Variants in SAXO1 observed in about 807,000 individuals in gnomAD.
SAXO1 encodes the protein stabilizer of axonemal microtubules 1.
In SAXO1, 21 loss-of-function variants were observed where a neutral mutation model predicts 17.5. The observed-to-expected ratio is 1.20, with a 90% CI of 0.85 to 1.72. The LOEUF (loss-of-function observed/expected upper bound fraction) is 1.72, where lower values mean the gene tolerates loss of function less well. SAXO1 is among the 40% of genes most tolerant of loss of function. The pLI is 0.00. For synonymous variants in SAXO1, 274 were observed against 216.5 expected, an observed-to-expected ratio of 1.27 and a Z score of -2.33; for missense variants, 843 against 596.0, an observed-to-expected ratio of 1.41 and a Z score of -4.32.
chr9:18,949,768 C>T (rs796240001), intron 2 of SAXO1, among the ~76,000 whole-genome samples: 7 of 152,278 alleles, frequency 4.6e-5, no homozygotes, highest in African/African-American at 1.7e-4. Flanking sequence ...CATCTGGGAC[C>T]TTTACTAGCA....
chr9:19,007,354 A>T (rs528916478), intron 1 of SAXO1, among the ~76,000 whole-genome samples: 8 of 152,348 alleles, frequency 5.3e-5, no homozygotes, highest in African/African-American at 1.7e-4. Flanking sequence ...TCAAAAAAAA[A>T]TGAAAAAATA....
upstream of SAXO1, chr9:19,033,266 C>G (rs893996772): frequency 1.2e-5 from 3 of 252,980 alleles, no homozygotes; most frequent in Non-Finnish European, 2.3e-5. Flanking sequence ...GTCGCCAGGG[C>G]CAGGAGGGGC....
chr9:19,039,521 T>G (rs1166141253), intron 1 of SAXO1, among the ~76,000 whole-genome samples: 2 of 152,226 alleles, frequency 1.3e-5, no homozygotes, highest in Admixed American at 1.3e-4. Flanking sequence ...TTTCTCAGTG[T>G]TCAGGTTACC....
intron 1 of SAXO1, among the ~76,000 whole-genome samples, chr9:18,986,234 T>TA (rs35643015): frequency 0.027 from 4,084 of 152,306 alleles, 176 homozygotes; most frequent in African/African-American, 0.091. Flanking sequence ...ATTTAACAAA[T>TA]AATGGCATGG....
intron 1 of SAXO1, among the ~76,000 whole-genome samples, chr9:18,973,473 G>C (rs570568602): frequency 1.3e-5 from 2 of 152,342 alleles, no homozygotes; most frequent in East Asian, 3.9e-4. Context: ...GCGTTGCCTT[G>C]TATTATCTCT....
chr9:18,958,150 G>A (rs1396913333), intron 1 of SAXO1, among the ~76,000 whole-genome samples: 2 of 152,160 alleles, frequency 1.3e-5, no homozygotes, highest in East Asian at 1.9e-4. Flanking sequence ...CTAGCCAGGT[G>A]CGGTGGCTCA....
Position 19,000,718 on chromosome 9 carries a change from A to T in SAXO1, c.38+32153T>A, listed in dbSNP as rs1037562432. On this transcript the variant is annotated intron_variant, in intron 1 of 3. Coordinates refer to ENST00000380534, the MANE Select transcript of SAXO1 (RefSeq NM_153707.4). ...ACTTTTTAATTAAAAAAATAAAAATAAAAAAATTAAAGGAATGGAGGAAGA... is the reference window on the plus strand; with the variant it reads ...ACTTTTTAATTAAAAAAATAAAAATTAAAAAATTAAAGGAATGGAGGAAGA... Among the ~76,000 whole-genome samples the T allele has an allele frequency of 9.2e-5, 14 of 152,288 alleles. 1 individual carries two copies. Among genetic ancestry groups the T allele is most frequent in the South Asian group, 8.3e-4 (4 of 4,824 alleles).
intron 3 of SAXO1, among the ~76,000 whole-genome samples, chr9:18,931,203 A>G (rs1193559450): frequency 1.3e-5 from 2 of 152,176 alleles, no homozygotes; most frequent in African/African-American, 2.4e-5. Context: ...CCAGGCAACC[A>G]TTAATTTGCT....
At chr9:19,019,662 A>G (rs1459305796) in intron 1 of SAXO1, among the ~76,000 whole-genome samples, 2 of 152,122 alleles carry the variant, frequency 1.3e-5, no homozygotes, top group East Asian at 1.9e-4. Context: ...CCAGGGAGGC[A>G]GAGGTTGCAA....
intron 1 of SAXO1, among the ~76,000 whole-genome samples, chr9:18,958,861 CG>C (rs1832364019): frequency 6.6e-6 from 1 of 151,358 alleles, no homozygotes; most frequent in South Asian, 2.1e-4. Flanking sequence ...TGAAGTTGCT[CG>C]AAGAGAAGAG....
chr9:19,004,773 G>A (rs1257676470), intron 1 of SAXO1, among the ~76,000 whole-genome samples: 1 of 152,152 alleles, frequency 6.6e-6, no homozygotes, highest in Non-Finnish European at 1.5e-5. Flanking sequence ...TGTAAACGAT[G>A]AGTTGATGGG....
intron 1 of SAXO1, among the ~76,000 whole-genome samples, chr9:18,979,505 G>A (rs553780642): frequency 6.6e-6 from 1 of 152,342 alleles, no homozygotes; most frequent in South Asian, 2.1e-4. Context: ...GAGAAGGCAG[G>A]GGGCACGTGG....
intron 1 of SAXO1, among the ~76,000 whole-genome samples, chr9:19,018,084 C>T (rs1013132497): frequency 3.3e-5 from 5 of 151,696 alleles, no homozygotes; most frequent in African/African-American, 9.7e-5. Context: ...GGGAGGATCA[C>T]TTGAGTCTGA....
In SAXO1 at chr9:18,928,323, T is replaced by C. The variant is rs34119945; in HGVS notation, c.1154A>G (p.Asn385Ser). ...CCAATGAGGCTTACAGCTTTTGGTATTGATAGGCAGGTGGGGCACATAGTG... is the reference window on the plus strand; with the variant it reads ...CCAATGAGGCTTACAGCTTTTGGTACTGATAGGCAGGTGGGGCACATAGTG... ...RAHYVPHLPI[N>S]TKSCKPHWSG... Residue 385 changes from asparagine (N) to serine (S), a missense_variant, in exon 4 of 4, where the codon AAT (asparagine) becomes AGT (serine). Coordinates refer to ENST00000380534, the MANE Select transcript of SAXO1 (RefSeq NM_153707.4). 6,907 of 1,613,334 alleles carry C rather than the reference T, an allele frequency of 4.3e-3. 269 individuals are homozygous for C. In the African/African-American group the frequency reaches 0.081, roughly 19 times the overall value.
chr9:18,989,707 C>T (rs1833735612), intron 1 of SAXO1, among the ~76,000 whole-genome samples: 1 of 152,062 alleles, frequency 6.6e-6, no homozygotes, highest in Admixed American at 6.6e-5. Flanking sequence ...CACTTCAGAC[C>T]ATGTTGAAAT....
intron 1 of SAXO1, among the ~76,000 whole-genome samples, chr9:18,964,289 C>T (rs1020277667): frequency 6.6e-6 from 1 of 152,028 alleles, no homozygotes; most frequent in Non-Finnish European, 1.5e-5. Flanking sequence ...GCCTCATAAA[C>T]GGAATTAGGG....
intron 1 of SAXO1, chr9:19,028,250 C>T (rs1563991440): frequency 1.4e-6 from 1 of 725,198 alleles, no homozygotes; most frequent in Non-Finnish European, 2.2e-6. Flanking sequence ...GTGGCGGGCG[C>T]CTGTAATCCC....
rs140964659 is a variant in SAXO1 at position 19,023,503 on chromosome 9, T to C, written c.38+9368A>G. On this transcript the variant is annotated intron_variant, in intron 1 of 3. Transcript: ENST00000380534. Reference sequence around the variant, plus strand: ...AATAGAAACTTCACTGTGAAATGGTTTAACATGACACAGTTAGGGAGCAGA... The same window carrying C: ...AATAGAAACTTCACTGTGAAATGGTCTAACATGACACAGTTAGGGAGCAGA... 1.4e-3 allele frequency among the ~76,000 whole-genome samples: 220 copies of C among 152,244 alleles called. 1 individual carries two copies. Among genetic ancestry groups the C allele is most frequent in the African/African-American group, 5.1e-3 (211 of 41,530 alleles).
At chr9:18,965,348 G>C (rs113363154) in intron 1 of SAXO1, among the ~76,000 whole-genome samples, 1 of 152,030 alleles carries the variant, frequency 6.6e-6, no homozygotes, top group African/African-American at 2.4e-5. Context: ...TTGACAGTGG[G>C]GTGTTAAAGT....
Sources: allele counts gnomAD v4.1 joint callset (sites outside exome capture counted in the v4.1 genomes callset), GRCh38; gene constraint gnomAD v4.1.1; transcripts MANE v1.5; gene names NCBI Gene and HGNC (gene_info 2026-07-23, HGNC 2026-07-21).